PSMF1: variants seen among roughly 807,000 people sequenced by gnomAD.
PSMF1 encodes proteasome inhibitor PI31 subunit.
Under a neutral mutation model 29.3 loss-of-function variants are expected in PSMF1, and 30 were observed. That is an observed-to-expected ratio of 1.02 (90% CI 0.77 to 1.39). PSMF1 has a LOEUF of 1.39. PSMF1 is among the 40% of genes most tolerant of loss of function. PSMF1 has a pLI of 0.00. For missense variants in PSMF1, 344 were observed against 357.5 expected (o/e 0.96, Z 0.31); for synonymous variants, 134 against 139.7 (o/e 0.96, Z 0.29).
At chr20:1,137,055 T>G (rs2122516795) in intron 4 of PSMF1, among the ~76,000 whole-genome samples, 1 of 152,346 alleles carries the variant, frequency 6.6e-6, no homozygotes, top group African/African-American at 2.4e-5. Context: ...CGTGAAACTC[T>G]ACTATGAATT....
rs2086710553 is a variant in PSMF1, at chr20:1,164,970, G to T, written c.765-59G>T. 6.9e-7 allele frequency: 1 copy of T among 1,449,778 alleles called. No homozygotes were observed. Among genetic ancestry groups the T allele is most frequent in the East Asian group, 2.3e-5 (1 of 44,066 alleles). The allele number at this position is 1,449,778 out of a possible 1,614,324, so 89.8% of individuals were successfully genotyped here. ...GCTCCCTCAGTGCAGGGTCATGTCTGCCCATGTTCCCCTGGTCTCTCCATC... is the reference window on the plus strand; with the variant it reads ...GCTCCCTCAGTGCAGGGTCATGTCTTCCCATGTTCCCCTGGTCTCTCCATC... On this transcript the variant is annotated intron_variant, in intron 6 of 6. Transcript: ENST00000335877. This position sits in a 1 kb window ranked among gnomAD's most constrained non-coding sequence, Gnocchi z 4.1.
Position 1,118,669 on chromosome 20 carries a change from CAG to C in PSMF1, c.-104_-103del. 2 of 1,370,588 alleles carry C rather than the reference CAG, an allele frequency of 1.5e-6. No individual in the cohort carries two copies. The highest frequency in any genetic ancestry group is 2.0e-6 in the Non-Finnish European group (2 of 1,021,000). The allele number at this position is 1,370,588 out of a possible 1,614,324, so 84.9% of individuals were successfully genotyped here. Reference sequence around the variant, plus strand: ...TCTCAGGTGTGGACTCGGCAAGAACCAGCGCAAGAGGGAAGCAGAGTTATAGC... The same window carrying C: ...TCTCAGGTGTGGACTCGGCAAGAACCCGCAAGAGGGAAGCAGAGTTATAGC... On this transcript the variant is annotated 5_prime_UTR_variant, in exon 1 of 7. Coordinates refer to ENST00000335877, the MANE Select transcript of PSMF1 (RefSeq NM_006814.5).
chr20:1,130,709 TAAACAGGC>T (rs779207319), intron 3 of PSMF1, among the ~76,000 whole-genome samples: 1 of 152,142 alleles, frequency 6.6e-6, no homozygotes, highest in Non-Finnish European at 1.5e-5. Flanking sequence ...AGCTCACTTA[TAAACAGGC>T]CAAGCAGCCT....
rs115669548 is a variant in PSMF1, at chr20:1,141,163, G to A, written c.551+5857G>A. Among the ~76,000 whole-genome samples the A allele has an allele frequency of 5.7e-3, 866 of 152,286 alleles. 12 individuals carry two copies. Among genetic ancestry groups the A allele is most frequent in the African/African-American group, 0.019 (799 of 41,556 alleles). The stretch of plus-strand genomic sequence containing the variant: ...AAAGCAGATTAATGGTTGCCAGGGT[G>A]GAGGTGGAAGATGGGAAAGCAGGAA... On this transcript the variant is annotated intron_variant, in intron 4 of 6. Transcript: ENST00000335877.
chr20:1,143,141 T>A (rs890216432), intron 4 of PSMF1, among the ~76,000 whole-genome samples: 1 of 152,210 alleles, frequency 6.6e-6, no homozygotes, highest in Non-Finnish European at 1.5e-5. Flanking sequence ...TCTGCAGATA[T>A]AGCAAGATAC....
rs2086689743 is a variant in PSMF1 at position 1,163,335 on chromosome 20, T to TA, written c.605+153dup. 5 of 840,762 alleles carry TA rather than the reference T, an allele frequency of 5.9e-6. No homozygotes were observed. Among genetic ancestry groups the TA allele is most frequent in the African/African-American group, 1.7e-5 (1 of 58,924 alleles). The allele number at this position is 840,762 out of a possible 1,614,324, so 52.1% of individuals were successfully genotyped here. ...GAGCAGCTGAGAAAGCACTGCCACA[T>TA]ACGCTGCCCCTCCACACCTAGAGCG... On this transcript the variant is annotated intron_variant, in intron 5 of 6. Transcript: ENST00000335877. This position sits in a 1 kb window ranked among gnomAD's most constrained non-coding sequence, Gnocchi z 6.1.
chr20:1,162,953 A>G (rs1421861151), intron 4 of PSMF1, among the ~76,000 whole-genome samples, 177 bp from the exon 5 acceptor site: 1 of 152,190 alleles, frequency 6.6e-6, no homozygotes, highest in Admixed American at 6.5e-5. Flanking sequence ...CCCTTCTTAC[A>G]TAATTGTCAT....
intron 1 of PSMF1, among the ~76,000 whole-genome samples, chr20:1,122,702 G>T (rs1042487340): frequency 2.6e-5 from 4 of 152,122 alleles, no homozygotes; most frequent in African/African-American, 4.8e-5. Context: ...TTGATGTCAG[G>T]GTTTACAGGG....
At chr20:1,138,368 C>A (rs2086334620) in intron 4 of PSMF1, among the ~76,000 whole-genome samples, 1 of 151,850 alleles carries the variant, frequency 6.6e-6, no homozygotes, top group Non-Finnish European at 1.5e-5. Flanking sequence ...ATCAATAGAA[C>A]AAAGGAGGCC....
intron 4 of PSMF1, among the ~76,000 whole-genome samples, chr20:1,135,665 G>T (rs2086297104): frequency 6.6e-6 from 1 of 152,178 alleles, no homozygotes; most frequent in Non-Finnish European, 1.5e-5. Context: ...TCTAGACAGG[G>T]CCCTGGGCCA....
rs148321012 is a variant in PSMF1, at chr20:1,164,399, G to A, written c.687G>A (p.Pro229=). The A allele has an allele frequency of 2.4e-5, 39 of 1,614,096 alleles. No homozygotes were observed. The African/African-American group carries it at 2.8e-4, about 12-fold the overall frequency. ...RALIDPSSGL[P]NRLPPGAVPP... ...TTATTGACCCTTCCTCAGGCCTCCC[G>A]AACCGACTTCCTCCAGGCGCTGTGC... The change falls in exon 6 of 7, where the codon CCG becomes CCA. Residue 229 remains proline, a synonymous_variant. Transcript: ENST00000335877. The surrounding 1 kb of genome is among the most constrained non-coding windows in gnomAD (Gnocchi z 4.1).
chr20:1,118,925 G>T (rs768146567), intron 1 of PSMF1, 23 bp downstream of exon 1: 1 of 1,612,650 alleles, frequency 6.2e-7, no homozygotes, highest in Non-Finnish European at 8.5e-7. Context: ...GCCGGCCAGG[G>T]TGGAGGAGGG....
At chr20:1,150,600 C>G (rs1364754128) in intron 4 of PSMF1, among the ~76,000 whole-genome samples, 1 of 151,898 alleles carries the variant, frequency 6.6e-6, no homozygotes, top group Non-Finnish European at 1.5e-5. Context: ...GTTCATTTTT[C>G]TATTGGCTTG....
chr20:1,158,212 A>G (rs1035422216), intron 4 of PSMF1, among the ~76,000 whole-genome samples: 34 of 140,638 alleles, frequency 2.4e-4, no homozygotes, highest in African/African-American at 8.0e-4. Flanking sequence ...TTTAAAAACT[A>G]AATTAAAAAA....
At chr20:1,133,857 T>C (rs2086268513) in intron 3 of PSMF1, among the ~76,000 whole-genome samples, 2 of 151,864 alleles carry the variant, frequency 1.3e-5, no homozygotes, top group South Asian at 4.2e-4. Context: ...TGAGTTGTAG[T>C]TTATGGTTTT....
Position 1,164,222 on chromosome 20 carries a change from A to G in PSMF1, c.606-96A>G. 1.5e-6 allele frequency: 2 copies of G among 1,291,956 alleles called. No homozygotes were observed. Among genetic ancestry groups the G allele is most frequent in the Non-Finnish European group, 2.2e-6 (2 of 897,542 alleles). The allele number at this position is 1,291,956 out of a possible 1,614,324, so 80.0% of individuals were successfully genotyped here. On this transcript the variant is annotated intron_variant, in intron 5 of 6. Transcript: ENST00000335877. This position sits in a 1 kb window ranked among gnomAD's most constrained non-coding sequence, Gnocchi z 4.1. ...TCTGCTTGGGCCATCCAGAGTAGAC[A>G]TCCCAGCCATTCTTGGTGCATTGTA...
chr20:1,115,673 C>A (rs2086003774), upstream of PSMF1, among the ~76,000 whole-genome samples: 1 of 151,900 alleles, frequency 6.6e-6, no homozygotes, highest in Non-Finnish European at 1.5e-5. Flanking sequence ...GAGCTAGCTG[C>A]ATTCCACCAT....
intron 4 of PSMF1, among the ~76,000 whole-genome samples, chr20:1,138,979 C>T (rs924160668): frequency 7.9e-5 from 12 of 152,132 alleles, no homozygotes; most frequent in African/African-American, 2.9e-4. Context: ...AGTTCAAGAT[C>T]AGCCTGGCCA....
upstream of PSMF1, chr20:1,118,580 G>T (rs2086036239): frequency 1.7e-6 from 1 of 588,598 alleles, no homozygotes; most frequent in African/African-American, 1.9e-5. Flanking sequence ...ACGCAGTTGC[G>T]CCCGCTGTTG....
Sources: allele counts gnomAD v4.1 joint callset (sites outside exome capture counted in the v4.1 genomes callset), GRCh38; gene constraint gnomAD v4.1.1; non-coding constraint Gnocchi (gnomAD v3.1); transcripts MANE v1.5; gene names NCBI Gene and HGNC (gene_info 2026-07-23, HGNC 2026-07-21).